Variants in GPLD1 observed in about 807,000 individuals in gnomAD.
GPLD1 encodes glycosylphosphatidylinositol specific phospholipase D1.
A neutral mutation model predicts 112.6 loss-of-function variants in GPLD1; 84 were observed. The observed-to-expected ratio is 0.75, with a 90% CI of 0.63 to 0.89. GPLD1 has a LOEUF of 0.89. Among genes scored for constraint, GPLD1 ranks in the 40% least tolerant of loss-of-function variants. The pLI is 0.00. For missense variants in GPLD1, 1,044 were observed against 1,051.5 expected (o/e 0.99, Z 0.10); for synonymous variants, 386 against 403.8 (o/e 0.96, Z 0.53).
chr6:24,495,230 G>A, upstream of GPLD1: 2 of 1,522,070 alleles, frequency 1.3e-6, no homozygotes, highest in South Asian at 1.2e-5. Context: ...CCTTCCCCGT[G>A]CAAGACCCGG....
chr6:24,494,946 C>A, intron 1 of GPLD1: 1 of 1,279,644 alleles, frequency 7.8e-7, no homozygotes, highest in East Asian at 2.9e-5. Flanking sequence ...CCTGCGTTCC[C>A]GTGCGCGCGC....
chr6:24,427,928 G>C lies in GPLD1; in HGVS notation c.*1104C>G, dbSNP rs1163541636. ...AACAGAAAACCAAATACCAAGTATA[G>C]CATGTTCTCACAAGTGGGTGCTAAG... On this transcript the variant is annotated 3_prime_UTR_variant, in exon 25 of 25. Coordinates refer to ENST00000230036, the MANE Select transcript of GPLD1 (RefSeq NM_001503.4). Among the ~76,000 whole-genome samples the C allele has an allele frequency of 2.0e-5, 3 of 150,604 alleles. No homozygotes were observed. Among genetic ancestry groups the C allele is most frequent in the Non-Finnish European group, 4.4e-5 (3 of 67,782 alleles).
intron 22 of GPLD1, chr6:24,435,965 T>C (rs948544416): frequency 6.7e-6 from 1 of 149,238 alleles, no homozygotes; most frequent in Non-Finnish European, 1.5e-5. Context: ...TTAATGAAAC[T>C]CCAGTGGCTG....
At chr6:24,473,963 A>G (rs183821586) in intron 5 of GPLD1, among the ~76,000 whole-genome samples, 88 of 152,210 alleles carry the variant, frequency 5.8e-4, no homozygotes, top group Non-Finnish European at 9.7e-4. Flanking sequence ...CATCTCTACT[A>G]AAAATACAAA....
intron 23 of GPLD1, 37 bp from the exon 24 acceptor site, chr6:24,433,274 A>T (rs1277731396): frequency 6.3e-7 from 1 of 1,596,834 alleles, no homozygotes; most frequent in South Asian, 1.1e-5. Context: ...GCTTTGAAGA[A>T]CATAGTGTAA....
At position 24,467,154 on chromosome 6, in the gene GPLD1, G is replaced by C; in HGVS notation, c.653+13C>G. On this transcript the variant is annotated intron_variant, in intron 8 of 24. Coordinates refer to ENST00000230036, the MANE Select transcript of GPLD1 (RefSeq NM_001503.4). Reference sequence around the variant, plus strand: ...CAAAATCAGCTGCAAATTGTCCTCTGAGTTACGCTTACATTTCTAAGAACT... The same window carrying C: ...CAAAATCAGCTGCAAATTGTCCTCTCAGTTACGCTTACATTTCTAAGAACT... 1 of 1,429,422 alleles carries C rather than the reference G, an allele frequency of 7.0e-7. No homozygotes were observed. The highest frequency in any genetic ancestry group is 9.9e-7 in the Non-Finnish European group (1 of 1,011,664). The allele number at this position is 1,429,422 out of a possible 1,614,324, so 88.5% of individuals were successfully genotyped here.
chr6:24,437,404 TTTCGGA>T, intron 20 of GPLD1, 115 bp from the exon 21 acceptor site: 1 of 1,007,554 alleles, frequency 9.9e-7, no homozygotes. Flanking sequence ...GGACAGTCGG[TTTCGGA>T]GCTGGTCATC....
At chr6:24,466,088 T>C (rs1160302373) in intron 10 of GPLD1, among the ~76,000 whole-genome samples, 2 of 152,230 alleles carry the variant, frequency 1.3e-5, no homozygotes, top group African/African-American at 2.4e-5. Flanking sequence ...CTCATGCCTG[T>C]AATCCCAGCA....
intron 2 of GPLD1, among the ~76,000 whole-genome samples, chr6:24,482,097 AT>A (rs66567770): frequency 0.34 from 34,743 of 102,334 alleles, 3,438 homozygotes; most frequent in Middle Eastern, 0.4. Flanking sequence ...GTATTTTTGG[AT>A]TTTTTTTTTT....
rs759842873 is a variant in GPLD1, at chr6:24,445,535, G to A, written c.2020+11C>T. On this transcript the variant is annotated intron_variant, in intron 20 of 24. Transcript: ENST00000230036. The stretch of plus-strand genomic sequence containing the variant: ...CTGAAAGGAAGCACAGTTTCACAGT[G>A]TGTGACCTACCGTACGTAGGGGCTC... The A allele has an allele frequency of 1.3e-6, 2 of 1,586,958 alleles. No individual in the cohort carries two copies. The highest frequency in any genetic ancestry group is 1.7e-6 in the Non-Finnish European group (2 of 1,155,304).
chr6:24,478,885 T>G (rs751253801), intron 3 of GPLD1, among the ~76,000 whole-genome samples: 12 of 152,162 alleles, frequency 7.9e-5, no homozygotes, highest in Admixed American at 2.0e-4. Flanking sequence ...TCAGTTTGAG[T>G]GTGACTTCTG....
intron 4 of GPLD1, among the ~76,000 whole-genome samples, chr6:24,475,905 C>T (rs1243616734): frequency 6.6e-6 from 1 of 151,582 alleles, no homozygotes; most frequent in Non-Finnish European, 1.5e-5. Context: ...CACACAAAAC[C>T]ATAAGGACTT....
At chr6:24,458,591 T>C (rs1053276347) in intron 12 of GPLD1, among the ~76,000 whole-genome samples, 1 of 152,120 alleles carries the variant, frequency 6.6e-6, no homozygotes, top group Non-Finnish European at 1.5e-5. Flanking sequence ...TTAAAAAAAT[T>C]GTTAAAGCCG....
intron 20 of GPLD1, among the ~76,000 whole-genome samples, chr6:24,442,470 A>G (rs1388554831): frequency 7.0e-5 from 5 of 71,426 alleles, no homozygotes; most frequent in Non-Finnish European, 1.0e-4. Flanking sequence ...TTTGAGATGG[A>G]ATTTCACTCT....
intron 3 of GPLD1, among the ~76,000 whole-genome samples, chr6:24,478,693 G>C (rs921682298): frequency 2.0e-5 from 3 of 152,138 alleles, no homozygotes; most frequent in Admixed American, 2.0e-4. Flanking sequence ...CCTTCTGTGG[G>C]GTCACAGTGG....
chr6:24,456,389 CTG>C, intron 13 of GPLD1, 107 bp downstream of exon 13: 9 of 758,324 alleles, frequency 1.2e-5, no homozygotes, highest in Non-Finnish European at 1.9e-5. Flanking sequence ...AAGTGAGACT[CTG>C]TCTCAAAAAT....
intron 5 of GPLD1, 127 bp from the exon 6 acceptor site, chr6:24,473,794 C>T (rs1763906707): frequency 1.9e-6 from 1 of 539,590 alleles, no homozygotes; most frequent in African/African-American, 1.9e-5. Context: ...ATAATAGACT[C>T]AATTTTCACA....
rs1763968331 is a variant in GPLD1, at chr6:24,475,191, G to A, written c.371C>T (p.Ser124Phe). The change falls in exon 5 of 25, where the codon TCT becomes TTT. Residue 124 changes from serine to phenylalanine, a missense_variant. By Grantham distance (155) the Ser-to-Phe change is radical (BLOSUM62 -2). Coordinates refer to ENST00000230036, the MANE Select transcript of GPLD1 (RefSeq NM_001503.4). ...KLVAFLFGIT[S>F]HMAADVSWHS... ...CCAGCTGACATCTGCCGCCATGTGA[G>A]AAGTAATTCCAAACAAGAAAGCTAC... 11 of 1,612,402 alleles carry A rather than the reference G, an allele frequency of 6.8e-6. No individual in the cohort carries two copies. The highest frequency in any genetic ancestry group is 1.3e-5 in the African/African-American group (1 of 74,862).
At chr6:24,425,657 G>C (rs1581718334), downstream of GPLD1, 1 of 152,154 alleles carries the variant, frequency 6.6e-6, no homozygotes, top group Non-Finnish European at 1.5e-5. Flanking sequence ...TTTGAAAGTA[G>C]GTACCAAACA....
Sources: allele counts gnomAD v4.1 joint callset (sites outside exome capture counted in the v4.1 genomes callset), GRCh38; gene constraint gnomAD v4.1.1; transcripts MANE v1.5; gene names NCBI Gene and HGNC (gene_info 2026-07-23, HGNC 2026-07-21).